The following PRKN variants were observed in gnomAD, a reference collection of about 807,000 sequenced individuals.
PRKN encodes parkin RBR E3 ubiquitin protein ligase.
In PRKN, 56 loss-of-function variants were observed where a neutral mutation model predicts 59.5. The observed-to-expected ratio is 0.94, with a 90% confidence interval of 0.76 to 1.18. PRKN has a LOEUF of 1.18. Ranked by LOEUF, PRKN falls within the 50% of genes most tolerant of loss-of-function variation. The pLI is 0.00. For synonymous variants in PRKN, 250 were observed against 222.1 expected (o/e 1.13, Z -1.12); for missense variants, 657 against 596.4 (o/e 1.10, Z -1.06).
At chr6:161,683,385 A>G (rs1272647045) in intron 7 of PRKN, among the ~76,000 whole-genome samples, 2 of 152,208 alleles carry the variant, frequency 1.3e-5, no homozygotes, top group Non-Finnish European at 2.9e-5. Context: ...ATCTTAGCCA[A>G]AAGTCTGAGA....
At chr6:162,065,515 A>C (rs1282874979) in intron 4 of PRKN, among the ~76,000 whole-genome samples, 1 of 150,506 alleles carries the variant, frequency 6.6e-6, no homozygotes, top group African/African-American at 2.4e-5. Context: ...CTCTGGCAAC[A>C]CCCTCACAGA....
chr6:161,939,309 T>G (rs575677606), intron 6 of PRKN, among the ~76,000 whole-genome samples: 35 of 147,026 alleles, frequency 2.4e-4, no homozygotes, highest in Admixed American at 1.0e-3. Flanking sequence ...TCTCAGCTAC[T>G]ATGGAGACTG....
intron 2 of PRKN, among the ~76,000 whole-genome samples, chr6:162,285,915 G>A (rs142382915): frequency 2.6e-4 from 40 of 152,254 alleles, no homozygotes; most frequent in African/African-American, 7.9e-4. Context: ...AATGTGTGGC[G>A]GCGGGGGCAT....
chr6:162,180,159 G>T (rs902345578), intron 4 of PRKN, among the ~76,000 whole-genome samples: 60 of 152,118 alleles, frequency 3.9e-4, no homozygotes, highest in African/African-American at 1.4e-3. Context: ...GAGCTGCACT[G>T]AGGAAGTGAC....
chr6:162,124,762 T>C (rs1007467484), intron 4 of PRKN, among the ~76,000 whole-genome samples: 4 of 151,838 alleles, frequency 2.6e-5, no homozygotes, highest in African/African-American at 9.7e-5. Flanking sequence ...TCTGAGGGAG[T>C]ATAAGACAGC....
intron 7 of PRKN, among the ~76,000 whole-genome samples, chr6:161,625,022 A>T (rs1783034234): frequency 6.6e-6 from 1 of 152,216 alleles, no homozygotes; most frequent in African/African-American, 2.4e-5. Flanking sequence ...GCCATTCAAC[A>T]CTTCTTATTT....
intron 2 of PRKN, among the ~76,000 whole-genome samples, chr6:162,368,067 T>C (rs923935894): frequency 1.1e-4 from 16 of 152,122 alleles, no homozygotes; most frequent in African/African-American, 3.9e-4. Context: ...GACCTGCCTT[T>C]GGATCCACTG....
At chr6:162,276,707 C>CTGTGTGTG in intron 2 of PRKN, among the ~76,000 whole-genome samples, 1 of 144,430 alleles carries the variant, frequency 6.9e-6, no homozygotes, top group East Asian at 2.0e-4. Context: ...GTGTGTGTGT[C>CTGTGTGTG]TGTGTGTGTG....
At chr6:161,651,822 C>T (rs977704799) in intron 7 of PRKN, among the ~76,000 whole-genome samples, 10 of 152,074 alleles carry the variant, frequency 6.6e-5, no homozygotes, top group Non-Finnish European at 8.8e-5. Context: ...AATCACACAC[C>T]CTTACCAAGA....
At chr6:161,370,716 A>T (rs1785410972) in intron 10 of PRKN, among the ~76,000 whole-genome samples, 1 of 152,170 alleles carries the variant, frequency 6.6e-6, no homozygotes, top group African/African-American at 2.4e-5. Flanking sequence ...CTCATTTGTG[A>T]CACCTGTGTA....
intron 2 of PRKN, among the ~76,000 whole-genome samples, chr6:162,421,292 C>A (rs138667036): frequency 6.8e-6 from 1 of 146,146 alleles, no homozygotes; most frequent in East Asian, 2.0e-4. Flanking sequence ...ACCCTCACAG[C>A]GCCCTGAAGA....
At chr6:162,501,657 T>C (rs1399647001) in intron 1 of PRKN, among the ~76,000 whole-genome samples, 1 of 151,842 alleles carries the variant, frequency 6.6e-6, no homozygotes, top group African/African-American at 2.4e-5. Flanking sequence ...CGCCCGGCCA[T>C]GCTCCTAAAA....
chr6:161,899,759 G>C (rs578217349), intron 6 of PRKN, among the ~76,000 whole-genome samples: 1 of 152,096 alleles, frequency 6.6e-6, no homozygotes. Context: ...TCTTCAAGGC[G>C]TATTCCCATA....
intron 6 of PRKN, among the ~76,000 whole-genome samples, chr6:161,963,594 T>C (rs1362878369): frequency 6.6e-6 from 1 of 152,244 alleles, no homozygotes; most frequent in Non-Finnish European, 1.5e-5. Flanking sequence ...AAATTGGACA[T>C]TTCCCCTTAT....
intron 7 of PRKN, among the ~76,000 whole-genome samples, chr6:161,681,051 C>T (rs1219591644): frequency 6.6e-6 from 1 of 152,070 alleles, no homozygotes; most frequent in Non-Finnish European, 1.5e-5. Context: ...ACCTCTACCG[C>T]CTGGGCTCAA....
intron 7 of PRKN, among the ~76,000 whole-genome samples, chr6:161,743,756 A>G (rs1482915622): frequency 6.6e-6 from 1 of 152,166 alleles, no homozygotes. Flanking sequence ...GGGGAAGTAC[A>G]TGCATATGTT....
intron 4 of PRKN, among the ~76,000 whole-genome samples, chr6:162,102,684 C>G (rs1167717553): frequency 3.4e-5 from 5 of 145,990 alleles, no homozygotes; most frequent in African/African-American, 1.4e-4. Context: ...CACCAAACTA[C>G]AAAGCCCAAT....
intron 2 of PRKN, among the ~76,000 whole-genome samples, chr6:162,299,903 T>C (rs1781864601): frequency 6.6e-6 from 1 of 152,108 alleles, no homozygotes; most frequent in African/African-American, 2.4e-5. Flanking sequence ...ATGCAGAAAA[T>C]CCTAGCTTTC....
At chr6:161,831,826 G>A (rs1348749952) in intron 6 of PRKN, among the ~76,000 whole-genome samples, 1 of 152,188 alleles carries the variant, frequency 6.6e-6, no homozygotes. Flanking sequence ...AAGAGGGTCT[G>A]CCACAGCCCT....
Sources: gnomAD v4.1 joint callset for allele counts (sites outside exome capture counted in the v4.1 genomes callset) on GRCh38, gnomAD v4.1.1 for gene constraint, MANE v1.5 for transcripts, NCBI Gene and HGNC (gene_info 2026-07-23, HGNC 2026-07-21) for gene names.